PPM1E: variants seen among roughly 807,000 people sequenced by gnomAD.
The protein encoded by PPM1E is protein phosphatase 1E.
Under a neutral mutation model 65.9 loss-of-function variants are expected in PPM1E, and 20 were observed. The ratio of observed to expected loss-of-function variants is 0.30; its 90% CI spans 0.21 to 0.44. The LOEUF is 0.44. PPM1E is among the 20% of genes least tolerant of loss of function. PPM1E has a pLI of 1.00. For synonymous variants in PPM1E, 352 were observed against 374.9 expected (o/e 0.94, Z 0.70); for missense variants, 713 against 953.1 (o/e 0.75, Z 3.32).
chr17:58,841,637 T>G (rs186203684), intron 1 of PPM1E, among the ~76,000 whole-genome samples: 13 of 151,942 alleles, frequency 8.6e-5, no homozygotes, highest in Non-Finnish European at 1.8e-4. Context: ...GCAATTCTCC[T>G]GCCTCAGCCT....
At chr17:58,793,682 G>A (rs1169706040) in intron 1 of PPM1E, among the ~76,000 whole-genome samples, 1 of 151,928 alleles carries the variant, frequency 6.6e-6, no homozygotes, top group African/African-American at 2.4e-5. Flanking sequence ...TGTTTATATA[G>A]TGATAAAGTT....
intron 1 of PPM1E, among the ~76,000 whole-genome samples, chr17:58,930,471 G>T (rs1237776924): frequency 1.3e-5 from 2 of 151,836 alleles, no homozygotes; most frequent in Non-Finnish European, 2.9e-5. Context: ...CTCAAAAAAA[G>T]AAAAGAAAAA....
In PPM1E at chr17:58,910,669, C is replaced by G. The variant is rs1238889874; in HGVS notation, c.465-44980C>G. 2.6e-5 allele frequency among the ~76,000 whole-genome samples: 4 copies of G among 152,234 alleles called. No individual in the cohort carries two copies. The East Asian group carries it at 7.7e-4, about 29-fold the overall frequency. On this transcript the variant is annotated intron_variant, in intron 1 of 6. Transcript: ENST00000308249. ...ACTAGTCCTGTAATTAGACTTCATT[C>G]TTTTAGTGAGGCTGTACTTATGGAC...
chr17:58,767,786 G>A (rs536915709), intron 1 of PPM1E, among the ~76,000 whole-genome samples: 4 of 152,122 alleles, frequency 2.6e-5, no homozygotes, highest in South Asian at 4.1e-4. Context: ...GGGATTACAG[G>A]CATGCACCAC....
chr17:58,805,979 AAAAAACAAAACAAAAC>A lies in PPM1E; in HGVS notation c.464+49523_464+49538del, dbSNP rs1567838877. ...AAAAAAACAAAAAAAAAAAACAAAA[AAAAAACAAAACAAAAC>A]AAAACAAAAAAAAAACTATATGTAG... On this transcript the variant is annotated intron_variant, in intron 1 of 6. Transcript: ENST00000308249. 4.1e-3 allele frequency among the ~76,000 whole-genome samples: 455 copies of A among 110,030 alleles called. 10 individuals are homozygous for A. The highest frequency in any genetic ancestry group is 0.019 in the African/African-American group (427 of 23,078). 72.2% of individuals were successfully genotyped at this position (110,030 alleles called of 152,430 possible).
At chr17:58,843,390 C>T (rs1457865295) in intron 1 of PPM1E, among the ~76,000 whole-genome samples, 2 of 149,698 alleles carry the variant, frequency 1.3e-5, no homozygotes, top group Non-Finnish European at 3.0e-5. Flanking sequence ...TGGTGGTGCA[C>T]ATCTGTAGTC....
At chr17:58,851,253 A>G (rs546733278) in intron 1 of PPM1E, among the ~76,000 whole-genome samples, 1 of 151,870 alleles carries the variant, frequency 6.6e-6, no homozygotes, top group Non-Finnish European at 1.5e-5. Context: ...GTTTGTTATT[A>G]CCGATCGTCT....
chr17:58,835,935 GAGA>G (rs1567848565), intron 1 of PPM1E: 1 of 152,054 alleles, frequency 6.6e-6, no homozygotes, highest in African/African-American at 2.4e-5. Flanking sequence ...AAAAATGATA[GAGA>G]AGATTAGTAT....
intron 1 of PPM1E, among the ~76,000 whole-genome samples, chr17:58,933,413 A>G (rs1230872516): frequency 6.6e-6 from 1 of 152,242 alleles, no homozygotes; most frequent in East Asian, 1.9e-4. Flanking sequence ...GGAAACAACT[A>G]AGATGCCTTC....
intron 6 of PPM1E, among the ~76,000 whole-genome samples, chr17:58,973,674 C>T (rs994366227): frequency 6.6e-6 from 1 of 151,708 alleles, no homozygotes; most frequent in East Asian, 1.9e-4. Context: ...AAACAAAGGC[C>T]GGGCGCAGTG....
chr17:58,764,497 G>A (rs1305979694), intron 1 of PPM1E, among the ~76,000 whole-genome samples: 1 of 151,884 alleles, frequency 6.6e-6, no homozygotes, highest in Non-Finnish European at 1.5e-5. Flanking sequence ...GTGCAGTGGC[G>A]TGAACACACC....
At chr17:58,897,211 G>A (rs1003799140) in intron 1 of PPM1E, among the ~76,000 whole-genome samples, 4 of 151,940 alleles carry the variant, frequency 2.6e-5, no homozygotes, top group African/African-American at 7.3e-5. Context: ...TCAGGAGATC[G>A]AGACCATCCT....
chr17:58,847,820 A>G (rs1465332573), intron 1 of PPM1E, among the ~76,000 whole-genome samples: 2 of 152,144 alleles, frequency 1.3e-5, no homozygotes, highest in Non-Finnish European at 2.9e-5. Context: ...AGTCATTGGT[A>G]GTTTAATGGG....
At chr17:58,757,295 G>T (rs780913828) in intron 1 of PPM1E, among the ~76,000 whole-genome samples, 1 of 152,158 alleles carries the variant, frequency 6.6e-6, no homozygotes, top group Non-Finnish European at 1.5e-5. Flanking sequence ...GGGATGGGGT[G>T]GGGAGAAAGC....
chr17:58,838,451 G>T (rs1476689766), intron 1 of PPM1E, among the ~76,000 whole-genome samples: 2 of 152,150 alleles, frequency 1.3e-5, no homozygotes, highest in Non-Finnish European at 2.9e-5. Flanking sequence ...TGTCTTTAGG[G>T]AATTGCAGGT....
At chr17:58,873,752 G>C (rs1251660103) in intron 1 of PPM1E, among the ~76,000 whole-genome samples, 5 of 150,172 alleles carry the variant, frequency 3.3e-5, no homozygotes, top group African/African-American at 1.2e-4. Flanking sequence ...GCACTACCAT[G>C]CCCAGCTAAT....
intron 1 of PPM1E, among the ~76,000 whole-genome samples, chr17:58,932,717 T>A (rs1020967653): frequency 3.3e-5 from 5 of 152,108 alleles, no homozygotes; most frequent in Non-Finnish European, 1.5e-5. Context: ...TTGAATGGCA[T>A]GCCACGATGT....
intron 1 of PPM1E, among the ~76,000 whole-genome samples, chr17:58,870,097 G>T (rs917001074): frequency 4.6e-5 from 7 of 152,128 alleles, no homozygotes; most frequent in Non-Finnish European, 7.3e-5. Context: ...TTCCCTAAAT[G>T]GAGCCAGTAC....
intron 1 of PPM1E, among the ~76,000 whole-genome samples, chr17:58,881,488 C>T (rs1172357478): frequency 6.6e-6 from 1 of 151,904 alleles, no homozygotes. Flanking sequence ...ATGGTGAAAC[C>T]CTGTCTCTAC....
Sources: allele counts gnomAD v4.1 joint callset (sites outside exome capture counted in the v4.1 genomes callset), GRCh38; gene constraint gnomAD v4.1.1; transcripts MANE v1.5; gene names NCBI Gene and HGNC (gene_info 2026-07-23, HGNC 2026-07-21).